The following LRMDA variants were observed in gnomAD, a reference collection of about 807,000 sequenced individuals.
LRMDA encodes leucine-rich melanocyte differentiation-associated protein.
A neutral mutation model predicts 29.8 loss-of-function variants in LRMDA; 18 were observed. The ratio of observed to expected loss-of-function variants is 0.60; its 90% CI spans 0.42 to 0.90. The LOEUF is 0.90. Among genes scored for constraint, LRMDA ranks in the 40% least tolerant of loss-of-function variants. The pLI, the probability that LRMDA is intolerant of heterozygous loss-of-function variation, is 0.00. For missense variants in LRMDA, 273 were observed against 273.9 expected, an observed-to-expected ratio of 1.00 and a Z score of 0.02; for synonymous variants, 125 against 109.4, an observed-to-expected ratio of 1.14 and a Z score of -0.89.
intron 5 of LRMDA, among the ~76,000 whole-genome samples, chr10:76,163,371 T>A (rs1006159530): frequency 5.3e-5 from 8 of 152,196 alleles, no homozygotes; most frequent in Non-Finnish European, 8.8e-5. Context: ...GGACTTTTTT[T>A]ATTAATCCTG....
At chr10:76,019,190 G>A (rs1234285227) in intron 2 of LRMDA, among the ~76,000 whole-genome samples, 1 of 152,316 alleles carries the variant, frequency 6.6e-6, no homozygotes, top group Admixed American at 6.5e-5. Flanking sequence ...TAATATGGCT[G>A]TCACTCAGTA....
At chr10:76,313,050 G>A (rs925470442) in intron 5 of LRMDA, among the ~76,000 whole-genome samples, 1 of 152,078 alleles carries the variant, frequency 6.6e-6, no homozygotes, top group Non-Finnish European at 1.5e-5. Context: ...TGGGAAGGGA[G>A]GCAGCATAAC....
chr10:75,787,593 C>A (rs1843493868), intron 2 of LRMDA, among the ~76,000 whole-genome samples: 1 of 152,172 alleles, frequency 6.6e-6, no homozygotes, highest in Non-Finnish European at 1.5e-5. Flanking sequence ...ATCAAGGGCC[C>A]AACCCCTTAC....
chr10:75,458,468 G>GCCCT (rs58628285), intron 2 of LRMDA, among the ~76,000 whole-genome samples: 68,918 of 151,664 alleles, frequency 0.45, 17,081 homozygotes, highest in Non-Finnish European at 0.55. Flanking sequence ...TAAAAGGGAA[G>GCCCT]AGGGAGGAAG....
intron 2 of LRMDA, among the ~76,000 whole-genome samples, chr10:75,791,976 C>T (rs954923516): frequency 1.3e-5 from 2 of 150,554 alleles, no homozygotes; most frequent in African/African-American, 4.9e-5. Flanking sequence ...TCTCCTGCCT[C>T]AGCCTCTTGA....
At chr10:75,550,680 T>G (rs973336207) in intron 2 of LRMDA, among the ~76,000 whole-genome samples, 2 of 152,138 alleles carry the variant, frequency 1.3e-5, no homozygotes, top group African/African-American at 4.8e-5. Context: ...ATAGTTGGTT[T>G]TGAGTCTACC....
intron 2 of LRMDA, among the ~76,000 whole-genome samples, chr10:75,699,977 A>G (rs986782229): frequency 3.9e-5 from 6 of 152,150 alleles, no homozygotes; most frequent in Non-Finnish European, 7.4e-5. Context: ...CAACCACTAG[A>G]TGCTGGAAGA....
At chr10:76,193,278 T>C (rs1046950609) in intron 5 of LRMDA, among the ~76,000 whole-genome samples, 6 of 152,218 alleles carry the variant, frequency 3.9e-5, no homozygotes, top group African/African-American at 1.2e-4. Context: ...ACTGTTTTTG[T>C]TTCTGTACTT....
At chr10:76,520,403 A>G (rs1843106800) in intron 6 of LRMDA, among the ~76,000 whole-genome samples, 1 of 152,064 alleles carries the variant, frequency 6.6e-6, no homozygotes, top group Admixed American at 6.6e-5. Context: ...AATTACAAAC[A>G]TTATCCACCC....
At chr10:76,120,582 A>T in intron 5 of LRMDA, among the ~76,000 whole-genome samples, 1 of 152,188 alleles carries the variant, frequency 6.6e-6, no homozygotes, top group Non-Finnish European at 1.5e-5. Context: ...CAACAACAAA[A>T]ATAGGATCTT....
At chr10:76,222,259 A>G (rs1313924722) in intron 5 of LRMDA, among the ~76,000 whole-genome samples, 9 of 152,354 alleles carry the variant, frequency 5.9e-5, no homozygotes, top group Admixed American at 3.3e-4. Flanking sequence ...AAAAGCCACA[A>G]TTGACAAATG....
chr10:76,451,909 G>A lies in LRMDA; in HGVS notation c.602-105300G>A, dbSNP rs190169339. On this transcript the variant is annotated intron_variant, in intron 6 of 6. Coordinates refer to ENST00000611255, the MANE Select transcript of LRMDA (RefSeq NM_001305581.2). ...CGACCTCAGGTGATCTGCCCACCTCGGCCTCCCAAAATGCTGGGATTACAG... is the reference window on the plus strand; with the variant it reads ...CGACCTCAGGTGATCTGCCCACCTCAGCCTCCCAAAATGCTGGGATTACAG... Among the ~76,000 whole-genome samples the A allele has an allele frequency of 4.5e-4, 68 of 152,026 alleles. No individual in the cohort carries two copies. The Middle Eastern group carries it at 0.01, about 23-fold the overall frequency.
At chr10:75,927,608 G>A (rs1846141151) in intron 2 of LRMDA, among the ~76,000 whole-genome samples, 2 of 152,170 alleles carry the variant, frequency 1.3e-5, no homozygotes, top group Non-Finnish European at 2.9e-5. Flanking sequence ...CCTGAATTGA[G>A]GTAAGGGAAT....
intron 6 of LRMDA, among the ~76,000 whole-genome samples, chr10:76,403,975 G>C (rs560483280): frequency 6.6e-6 from 1 of 152,178 alleles, no homozygotes; most frequent in Admixed American, 6.5e-5. Context: ...GATGCAGGAT[G>C]CCTGGGTCCT....
intron 6 of LRMDA, 38 bp downstream of exon 6, chr10:76,324,523 G>T (rs199621795): frequency 6.4e-7 from 1 of 1,574,004 alleles, no homozygotes; most frequent in Non-Finnish European, 8.7e-7. Flanking sequence ...AGTGGGTGCA[G>T]GGAGGGACAC....
chr10:76,325,108 T>C (rs544332976), intron 6 of LRMDA, among the ~76,000 whole-genome samples: 1 of 152,332 alleles, frequency 6.6e-6, no homozygotes, highest in South Asian at 2.1e-4. Context: ...GTTGGCTGTT[T>C]TAAATATTGT....
At chr10:76,330,823 G>A (rs1840895770) in intron 6 of LRMDA, among the ~76,000 whole-genome samples, 1 of 152,194 alleles carries the variant, frequency 6.6e-6, no homozygotes, top group South Asian at 2.1e-4. Context: ...CAGCCACAGG[G>A]AATGTGAAAG....
intron 5 of LRMDA, among the ~76,000 whole-genome samples, chr10:76,198,928 G>A (rs898227563): frequency 1.3e-5 from 2 of 152,184 alleles, no homozygotes; most frequent in African/African-American, 4.8e-5. Flanking sequence ...TTGAATTAAT[G>A]CAATCAAATG....
At chr10:75,579,377 A>C (rs1840556602) in intron 2 of LRMDA, among the ~76,000 whole-genome samples, 1 of 152,236 alleles carries the variant, frequency 6.6e-6, no homozygotes, top group Admixed American at 6.5e-5. Flanking sequence ...ACCAGGAAGA[A>C]GTTGAATCCC....
Sources: allele counts gnomAD v4.1 joint callset (sites outside exome capture counted in the v4.1 genomes callset), GRCh38; gene constraint gnomAD v4.1.1; transcripts MANE v1.5; gene names NCBI Gene and HGNC (gene_info 2026-07-23, HGNC 2026-07-21).